Variants in KCNJ14 observed in about 807,000 individuals in gnomAD.
KCNJ14 encodes potassium inwardly rectifying channel subfamily J member 14, also known as ATP-sensitive inward rectifier potassium channel 14.
A neutral mutation model predicts 24.5 loss-of-function variants in KCNJ14; 18 were observed. That is an observed-to-expected ratio of 0.74 (90% CI 0.51 to 1.09). The LOEUF (loss-of-function observed/expected upper bound fraction) is 1.09. KCNJ14 is among the 50% of genes least tolerant of loss of function. KCNJ14 has a pLI of 0.00. For missense variants in KCNJ14, 633 were observed against 623.0 expected, an observed-to-expected ratio of 1.02 and a Z score of -0.17; for synonymous variants, 288 against 270.8, an observed-to-expected ratio of 1.06 and a Z score of -0.63.
chr19:48,463,623 G>T (rs1250545485), intron 2 of KCNJ14, among the ~76,000 whole-genome samples: 1 of 152,198 alleles, frequency 6.6e-6, no homozygotes, highest in Non-Finnish European at 1.5e-5. Flanking sequence ...TGAGGCAGTG[G>T]TGGGTGCAGA....
rs753511749 is a variant in KCNJ14 at position 48,462,059 on chromosome 19, C to T, written c.335C>T (p.Ala112Val). 10 of 1,609,756 alleles carry T rather than the reference C, an allele frequency of 6.2e-6. No homozygotes were observed. The Admixed American group carries it at 1.2e-4, about 19-fold the overall frequency. The change falls in exon 2 of 3, where the codon GCC becomes GTC. Residue 112 changes from alanine (A) to valine (V), a missense_variant. Ala to Val is a moderately conservative substitution (Grantham distance 64). Transcript: ENST00000342291. The surrounding 1 kb of genome is among the most constrained non-coding windows in gnomAD (Gnocchi z 4.9). ...LLFGLAFWLIASLHGDLAAPP... is the reference protein window; with the variant it reads ...LLFGLAFWLIVSLHGDLAAPP... Reference sequence around the variant, plus strand: ...TTCGGCCTGGCCTTCTGGCTCATTGCCTCGCTGCACGGCGACCTGGCCGCC... The same window carrying T: ...TTCGGCCTGGCCTTCTGGCTCATTGTCTCGCTGCACGGCGACCTGGCCGCC...
rs1220399532 is a variant in KCNJ14 at position 48,465,011 on chromosome 19, C to A, written c.*234C>A. 2 of 535,278 alleles carry A rather than the reference C, an allele frequency of 3.7e-6. No individual in the cohort carries two copies. The highest frequency in any genetic ancestry group is 3.8e-5 in the African/African-American group (2 of 53,024). 33.2% of individuals were successfully genotyped at this position (535,278 alleles called of 1,614,324 possible). On this transcript the variant is annotated 3_prime_UTR_variant, in exon 3 of 3. Transcript: ENST00000342291. ...AGAACCCTTTATGAGCCTGATTCCT[C>A]AGTCTCACCAGAATTCTGGATCACC...
At chr19:48,464,016 CCTCT>C (rs1461740493) in intron 2 of KCNJ14, among the ~76,000 whole-genome samples, 161 bp from the exon 3 acceptor site, 1 of 152,062 alleles carries the variant, frequency 6.6e-6, no homozygotes, top group Non-Finnish European at 1.5e-5. Flanking sequence ...TCTCTGACTT[CCTCT>C]CTCTCTGGGT....
rs1484341441 is a variant in KCNJ14, at chr19:48,464,285, C to T, written c.819C>T (p.Thr273=). The T allele has an allele frequency of 6.2e-7, 1 of 1,613,906 alleles. No homozygotes were observed. The highest frequency in any genetic ancestry group is 2.2e-5 in the East Asian group (1 of 44,874). ...TDRIFLVSPI[T]IVHEIDSASP... is the part of the protein sequence containing the mutation. ...GTATCTTCCTCGTGTCCCCCATCAC[C>T]ATCGTCCATGAGATCGACTCTGCCA... Residue 273 remains threonine, a synonymous_variant, in exon 3 of 3, where the codon ACC becomes ACT. Transcript: ENST00000342291.
At position 48,461,880 on chromosome 19, in the gene KCNJ14, C is replaced by T. The variant is rs1281489250; in HGVS notation, c.156C>T (p.Phe52=). The change falls in exon 2 of 3, where the codon TTC becomes TTT. Residue 52 remains phenylalanine (F), a synonymous_variant. Transcript: ENST00000342291. ...QSPVGRRRGR[F]VKKDGHCNVR... The stretch of plus-strand genomic sequence containing the variant: ...CCGTGGGCCGGCGCCGCGGTCGCTT[C>T]GTCAAGAAAGACGGGCACTGCAACG... 1.1e-5 allele frequency: 18 copies of T among 1,591,076 alleles called. No homozygotes were observed. In the East Asian group the frequency reaches 3.9e-4, roughly 34 times the overall value.
intron 1 of KCNJ14, among the ~76,000 whole-genome samples, chr19:48,458,793 T>C (rs1349860229): frequency 6.6e-6 from 1 of 151,882 alleles, no homozygotes; most frequent in African/African-American, 2.4e-5. Flanking sequence ...AAAAATTAGC[T>C]GGGATGGTGG....
At position 48,462,636 on chromosome 19, in the gene KCNJ14, TC is replaced by T. The variant is rs1971614653; in HGVS notation, c.714+200del. On this transcript the variant is annotated intron_variant, in intron 2 of 2. Coordinates refer to ENST00000342291, the MANE Select transcript of KCNJ14 (RefSeq NM_013348.4). This position sits in a 1 kb window ranked among gnomAD's most constrained non-coding sequence, Gnocchi z 4.9. ...AACAGAAAGGTATGTGACCAGCTCT[TC>T]CTGGAGGCCTGGATTTGGGGCATAC... 6.6e-6 allele frequency among the ~76,000 whole-genome samples: 1 copy of T among 152,314 alleles called. No homozygotes were observed. Among genetic ancestry groups the T allele is most frequent in the South Asian group, 2.1e-4 (1 of 4,824 alleles).
chr19:48,462,399 C>A lies in KCNJ14; in HGVS notation c.675C>A (p.Ser225Arg). 1 of 1,514,050 alleles carries A rather than the reference C, an allele frequency of 6.6e-7. No individual in the cohort carries two copies. The highest frequency in any genetic ancestry group is 8.9e-7 in the Non-Finnish European group (1 of 1,125,600). 93.8% of individuals were successfully genotyped at this position (1,514,050 alleles called of 1,614,324 possible). The change falls in exon 2 of 3, where the codon AGC becomes AGA. Residue 225 changes from serine to arginine, a missense_variant. Ser to Arg is a moderately radical substitution (Grantham distance 110). Coordinates refer to ENST00000342291, the MANE Select transcript of KCNJ14 (RefSeq NM_013348.4). This position sits in a 1 kb window ranked among gnomAD's most constrained non-coding sequence, Gnocchi z 4.9. ...LMWRVGNLRR[S>R]HLVEAHVRAQ... Reference sequence around the variant, plus strand: ...GGCGCGTCGGCAACCTGCGCCGCAGCCACCTGGTCGAGGCCCACGTGCGTG... The same window carrying A: ...GGCGCGTCGGCAACCTGCGCCGCAGACACCTGGTCGAGGCCCACGTGCGTG...
At position 48,466,853 on chromosome 19, in the gene KCNJ14, C is replaced by A. The variant is rs1482766568; in HGVS notation, c.*2076C>A. On this transcript the variant is annotated 3_prime_UTR_variant, in exon 3 of 3. Coordinates refer to ENST00000342291, the MANE Select transcript of KCNJ14 (RefSeq NM_013348.4). The stretch of plus-strand genomic sequence containing the variant: ...GGGCTGTGGCTAACAGCCAGAGTCA[C>A]TTCCCTGGCCTAGCTTGGGGACCTG... The A allele has an allele frequency of 1.3e-5, 2 of 152,278 alleles. No homozygotes were observed. Among genetic ancestry groups the A allele is most frequent in the Non-Finnish European group, 2.9e-5 (2 of 68,064 alleles). The allele number at this position is 152,278 out of a possible 1,614,324, so 9.4% of individuals were successfully genotyped here.
chr19:48,464,579 G>A lies in KCNJ14; in HGVS notation c.1113G>A (p.Glu371=), dbSNP rs763901436. ...CSAKELDERA[E]QASHSLKSSF... Reference sequence around the variant, plus strand: ...CTAAGGAGCTGGATGAACGGGCAGAGCAGGCTTCCCACAGCCTCAAGTCTA... The same window carrying A: ...CTAAGGAGCTGGATGAACGGGCAGAACAGGCTTCCCACAGCCTCAAGTCTA... Residue 371 remains glutamate, a synonymous_variant, in exon 3 of 3, where the codon GAG becomes GAA. Transcript: ENST00000342291. 13 of 1,614,056 alleles carry A rather than the reference G, an allele frequency of 8.1e-6. No individual in the cohort carries two copies. The highest frequency in any genetic ancestry group is 1.1e-5 in the Non-Finnish European group (13 of 1,180,046).
At chr19:48,460,462 C>T (rs1420860372) in intron 1 of KCNJ14, among the ~76,000 whole-genome samples, 1 of 152,058 alleles carries the variant, frequency 6.6e-6, no homozygotes, top group Non-Finnish European at 1.5e-5. Flanking sequence ...AGGCTGGTCT[C>T]GAACTCCTGA....
chr19:48,461,843 C>T lies in KCNJ14; in HGVS notation c.119C>T (p.Pro40Leu). The T allele has an allele frequency of 6.5e-7, 1 of 1,532,162 alleles. No individual in the cohort carries two copies. Among genetic ancestry groups the T allele is most frequent in the Non-Finnish European group, 8.8e-7 (1 of 1,140,108 alleles). 94.9% of individuals were successfully genotyped at this position (1,532,162 alleles called of 1,614,324 possible). A position where few individuals can be genotyped will look rare whatever the true frequency, so the allele number is the denominator to read the frequency against. Residue 40 changes from proline to leucine, a missense_variant, in exon 2 of 3, where the codon CCG becomes CTG. By Grantham distance (98) the Pro-to-Leu change is moderately conservative (BLOSUM62 -3). Coordinates refer to ENST00000342291, the MANE Select transcript of KCNJ14 (RefSeq NM_013348.4). ...TGCCGCAACGGGTGGGCGCCGGCAC[C>T]GGTGCAGTCACCCGTGGGCCGGCGC... is the stretch of plus-strand genomic sequence containing the variant. ...GLCRNGWAPA[P>L]VQSPVGRRRG... is the part of the protein sequence containing the mutation.
chr19:48,464,598 A>T lies in KCNJ14; in HGVS notation c.1132A>T (p.Lys378Ter). 1 of 1,614,136 alleles carries T rather than the reference A, an allele frequency of 6.2e-7. No individual in the cohort carries two copies. Among genetic ancestry groups the T allele is most frequent in the Non-Finnish European group, 8.5e-7 (1 of 1,180,022 alleles). Residue 378 changes from lysine (K) to a stop codon, truncating the protein, a stop_gained, in exon 3 of 3, where the codon AAG (lysine) becomes TAG (stop). Coordinates refer to ENST00000342291, the MANE Select transcript of KCNJ14 (RefSeq NM_013348.4). LOFTEE classifies it high-confidence loss of function. Reference sequence around the variant, plus strand: ...GGCAGAGCAGGCTTCCCACAGCCTCAAGTCTAGTTTCCCCGGCTCTCTGAC... The same window carrying T: ...GGCAGAGCAGGCTTCCCACAGCCTCTAGTCTAGTTTCCCCGGCTCTCTGAC... Reference protein sequence around the residue: ...ERAEQASHSLKSSFPGSLTAF... With the variant: ...ERAEQASHSL
At position 48,465,621 on chromosome 19, in the gene KCNJ14, G is replaced by T. The variant is rs1344614065; in HGVS notation, c.*844G>T. 1 of 151,900 alleles carries T rather than the reference G, an allele frequency of 6.6e-6. No homozygotes were observed. The highest frequency in any genetic ancestry group is 2.4e-5 in the African/African-American group (1 of 41,210). The allele number at this position is 151,900 out of a possible 1,614,324, so 9.4% of individuals were successfully genotyped here. A position where few individuals can be genotyped will look rare whatever the true frequency, so the allele number is the denominator to read the frequency against. Reference sequence around the variant, plus strand: ...TTTGAAAGGATCCACTGGGTGGGTTGTTTTTTTTTAAAGTGCCATTCTAGA... The same window carrying T: ...TTTGAAAGGATCCACTGGGTGGGTTTTTTTTTTTTAAAGTGCCATTCTAGA... On this transcript the variant is annotated 3_prime_UTR_variant, in exon 3 of 3. Coordinates refer to ENST00000342291, the MANE Select transcript of KCNJ14 (RefSeq NM_013348.4).
chr19:48,462,252 C>A lies in KCNJ14; in HGVS notation c.528C>A (p.Leu176=), dbSNP rs943257836. 2.8e-5 allele frequency: 44 copies of A among 1,547,226 alleles called. No individual in the cohort carries two copies. Among genetic ancestry groups the A allele is most frequent in the Non-Finnish European group, 3.8e-5 (43 of 1,144,298 alleles). ...TGCAGTGCATTGCCGGCTGCGTGCT[C>A]GACGCCTTCGTCGTGGGTGCTGTCA... is the stretch of plus-strand genomic sequence containing the variant. The part of the protein sequence containing the change: ...VVLQCIAGCV[L]DAFVVGAVMA... The change falls in exon 2 of 3, where the codon CTC becomes CTA. Residue 176 remains leucine, a synonymous_variant. Transcript: ENST00000342291. This position sits in a 1 kb window ranked among gnomAD's most constrained non-coding sequence, Gnocchi z 4.9.
chr19:48,459,194 G>A (rs1438542858), intron 1 of KCNJ14, among the ~76,000 whole-genome samples: 1 of 142,638 alleles, frequency 7.0e-6, no homozygotes, highest in East Asian at 2.1e-4. Flanking sequence ...GAGCCGAGAT[G>A]GCGCCACTGC....
At chr19:48,459,140 T>A (rs1216528825) in intron 1 of KCNJ14, among the ~76,000 whole-genome samples, 1 of 145,298 alleles carries the variant, frequency 6.9e-6, no homozygotes, top group Non-Finnish European at 1.5e-5. Context: ...CTCGGGAGGC[T>A]GAGGCAGGAG....
At chr19:48,456,836 C>G (rs1971544188) in intron 1 of KCNJ14, 1 of 151,928 alleles carries the variant, frequency 6.6e-6, no homozygotes, top group Non-Finnish European at 1.5e-5. Context: ...TCTTTTCTTC[C>G]TTTATTTTTT....
At chr19:48,459,568 A>G (rs933451324) in intron 1 of KCNJ14, among the ~76,000 whole-genome samples, 3 of 151,910 alleles carry the variant, frequency 2.0e-5, no homozygotes, top group Admixed American at 6.6e-5. Context: ...CTAATTTTTT[A>G]ATTTTTTTGT....
Sources: allele counts gnomAD v4.1 joint callset (sites outside exome capture counted in the v4.1 genomes callset), GRCh38; gene constraint gnomAD v4.1.1; non-coding constraint Gnocchi (gnomAD v3.1); transcripts MANE v1.5; gene names NCBI Gene and HGNC (gene_info 2026-07-23, HGNC 2026-07-21).